The following CFAP77 variants were observed in gnomAD, a reference collection of about 807,000 sequenced individuals.
CFAP77 encodes cilia- and flagella-associated protein 77.
Under a neutral mutation model 31.1 loss-of-function variants are expected in CFAP77, and 25 were observed. The ratio of observed to expected loss-of-function variants is 0.80; its 90% CI spans 0.59 to 1.12. The LOEUF (loss-of-function observed/expected upper bound fraction) is 1.12, where lower values mean the gene tolerates loss of function less well. CFAP77 is among the 50% of genes most tolerant of loss of function. CFAP77 has a pLI of 0.00. For missense variants in CFAP77, 377 were observed against 397.3 expected (o/e 0.95, Z 0.44); for synonymous variants, 151 against 159.9 (o/e 0.94, Z 0.42).
chr9:132,524,612 CAAA>C (rs369112824), intron 3 of CFAP77, among the ~76,000 whole-genome samples: 1 of 141,600 alleles, frequency 7.1e-6, no homozygotes, highest in Non-Finnish European at 1.5e-5. Flanking sequence ...GGCTCTGTCT[CAAA>C]AAAAAAAAAA....
intron 1 of CFAP77, among the ~76,000 whole-genome samples, chr9:132,426,116 T>C (rs1443877955): frequency 1.3e-5 from 2 of 152,234 alleles, no homozygotes; most frequent in African/African-American, 2.4e-5. Flanking sequence ...GTATATTTCT[T>C]TGTCTCCCTT....
chr9:132,427,493 T>C (rs1338220022), intron 1 of CFAP77, among the ~76,000 whole-genome samples: 1 of 152,106 alleles, frequency 6.6e-6, no homozygotes, highest in Non-Finnish European at 1.5e-5. Flanking sequence ...GGGTACGGTG[T>C]AATCCCAGCT....
chr9:132,531,980 T>C (rs1318927087), intron 3 of CFAP77, among the ~76,000 whole-genome samples: 1 of 152,192 alleles, frequency 6.6e-6, no homozygotes, highest in East Asian at 1.9e-4. Flanking sequence ...GTGAACGGTC[T>C]CTTGGGGTAG....
chr9:132,522,359 TG>T (rs1284703583), intron 3 of CFAP77, among the ~76,000 whole-genome samples: 2 of 147,420 alleles, frequency 1.4e-5, no homozygotes, highest in Non-Finnish European at 3.0e-5. Context: ...TGTGTGACCC[TG>T]GGCAAGCCAT....
Position 132,424,987 on chromosome 9 carries a change from A to G in CFAP77, c.195+14521A>G, listed in dbSNP as rs892012344. Among the ~76,000 whole-genome samples the G allele has an allele frequency of 2.0e-5, 3 of 152,208 alleles. No individual in the cohort carries two copies. Among genetic ancestry groups the G allele is most frequent in the Non-Finnish European group, 4.4e-5 (3 of 68,046 alleles). ...TCACCCTCGCAGTTAGTTAGCATTT[A>G]GATAGACTGGGACTGGGGCCCACAC... On this transcript the variant is annotated intron_variant, in intron 1 of 5. Transcript: ENST00000393216. This position sits in a 1 kb window ranked among gnomAD's most constrained non-coding sequence, Gnocchi z 4.1.
chr9:132,559,237 C>T (rs747484209), intron 5 of CFAP77, among the ~76,000 whole-genome samples: 12 of 148,744 alleles, frequency 8.1e-5, no homozygotes, highest in Non-Finnish European at 1.5e-4. Context: ...CCCAGCTACT[C>T]GGGAGGCCGA....
In CFAP77 at chr9:132,501,392, T is replaced by G. The variant is rs1261629039; in HGVS notation, c.524+1792T>G. Among the ~76,000 whole-genome samples, 1 of 151,592 alleles carries G rather than the reference T, an allele frequency of 6.6e-6. No individual in the cohort carries two copies. The highest frequency in any genetic ancestry group is 1.5e-5 in the Non-Finnish European group (1 of 67,926). On this transcript the variant is annotated intron_variant, in intron 3 of 5. Transcript: ENST00000393216. The surrounding 1 kb of genome is among the most constrained non-coding windows in gnomAD (Gnocchi z 4.6). ...ACTCTTTGGGCCAGCTCAGGTTACA[T>G]GACTATCTTCTTTTTTTTTTTTTTT...
At chr9:132,537,306 G>C (rs1164017129) in intron 3 of CFAP77, among the ~76,000 whole-genome samples, 1 of 152,116 alleles carries the variant, frequency 6.6e-6, no homozygotes, top group South Asian at 2.1e-4. Context: ...ACTGGCTTCA[G>C]CAGGCCAAGG....
chr9:132,542,851 C>A, intron 4 of CFAP77, 95 bp from the exon 5 acceptor site: 1 of 1,027,720 alleles, frequency 9.7e-7, no homozygotes, highest in Non-Finnish European at 1.5e-6. Context: ...CTTGCCACGC[C>A]AAGAATCCCA....
rs953204075 is a variant in CFAP77 at position 132,565,746 on chromosome 9, G to A, written c.733-6642G>A. ...GGGTCCATGTGGGCTCTGCCTTCCT[G>A]GCAGGTGTGTTTCCAGGGCACTGCA... On this transcript the variant is annotated intron_variant, in intron 5 of 5. Transcript: ENST00000393216. The surrounding 1 kb of genome is among the most constrained non-coding windows in gnomAD (Gnocchi z 4.1). Among the ~76,000 whole-genome samples, 78 of 151,768 alleles carry A rather than the reference G, an allele frequency of 5.1e-4. No homozygotes were observed. The highest frequency in any genetic ancestry group is 1.9e-3 in the African/African-American group (78 of 41,528).
At chr9:132,444,583 G>C (rs1406356706) in intron 1 of CFAP77, among the ~76,000 whole-genome samples, 1 of 152,178 alleles carries the variant, frequency 6.6e-6, no homozygotes, top group Non-Finnish European at 1.5e-5. Flanking sequence ...AGGCTGACCT[G>C]AGTCCTTCCG....
At chr9:132,468,087 A>G (rs1475526369) in intron 1 of CFAP77, among the ~76,000 whole-genome samples, 1 of 152,064 alleles carries the variant, frequency 6.6e-6, no homozygotes, top group Non-Finnish European at 1.5e-5. Context: ...TCACACCTGT[A>G]ATCTCAGCAC....
chr9:132,434,456 C>G (rs1666812751), intron 1 of CFAP77, among the ~76,000 whole-genome samples: 1 of 152,010 alleles, frequency 6.6e-6, no homozygotes, highest in Non-Finnish European at 1.5e-5. Context: ...TTAATGAGGA[C>G]CTGGGAGACT....
intron 5 of CFAP77, among the ~76,000 whole-genome samples, chr9:132,557,885 T>A (rs1287988335): frequency 1.3e-5 from 2 of 152,158 alleles, no homozygotes; most frequent in African/African-American, 4.8e-5. Flanking sequence ...AACGTGTAGA[T>A]GTCTCCTCCC....
rs577936477 is a variant in CFAP77, at chr9:132,499,558, C to T, written c.482C>T (p.Pro161Leu). The change falls in exon 3 of 6, where the codon CCG becomes CTG. Residue 161 changes from proline to leucine, a missense_variant. Pro to Leu is a moderately conservative substitution (Grantham distance 98). Transcript: ENST00000393216. This position sits in a 1 kb window ranked among gnomAD's most constrained non-coding sequence, Gnocchi z 5.4. The stretch of plus-strand genomic sequence containing the variant: ...GATGACCGGCGCATGAAGAAAGAGC[C>T]GCCCCCTCTCCCTCCAAACATGACA... ...DQDDRRMKKE[P>L]PPLPPNMTFG... 52 of 1,614,192 alleles carry T rather than the reference C, an allele frequency of 3.2e-5. No homozygotes were observed. Among genetic ancestry groups the T allele is most frequent in the African/African-American group, 1.2e-4 (9 of 75,050 alleles).
intron 1 of CFAP77, among the ~76,000 whole-genome samples, chr9:132,425,314 G>A (rs4537428): frequency 0.019 from 2,826 of 152,146 alleles, 56 homozygotes; most frequent in African/African-American, 0.051. Flanking sequence ...AGAAGGGCCC[G>A]ATTCCCTTTG....
intron 1 of CFAP77, among the ~76,000 whole-genome samples, chr9:132,436,413 G>A (rs1850504992): frequency 6.6e-6 from 1 of 152,164 alleles, no homozygotes; most frequent in Non-Finnish European, 1.5e-5. Context: ...AATTGCATTT[G>A]CAATGATCCT....
rs199521952 is a variant in CFAP77 at position 132,499,451 on chromosome 9, C to T, written c.375C>T (p.Arg125=). 6.2e-5 allele frequency: 100 copies of T among 1,614,222 alleles called. 1 individual carries two copies. The highest frequency in any genetic ancestry group is 4.3e-4 in the South Asian group (39 of 91,082). ...ELTRNYIAMN[R]GAVKAGLVTA... ...CCCGGAATTATATCGCAATGAACCG[C>T]GGGGCGGTGAAAGCCGGCCTGGTGA... The change falls in exon 3 of 6, where the codon CGC becomes CGT. Residue 125 remains arginine, a synonymous_variant. Transcript: ENST00000393216. This position sits in a 1 kb window ranked among gnomAD's most constrained non-coding sequence, Gnocchi z 5.4.
chr9:132,572,725 C>A lies in CFAP77; in HGVS notation c.*215C>A. The A allele has an allele frequency of 1.8e-6, 1 of 552,118 alleles. No homozygotes were observed. The highest frequency in any genetic ancestry group is 3.2e-6 in the Non-Finnish European group (1 of 316,322). 34.2% of individuals were successfully genotyped at this position (552,118 alleles called of 1,614,324 possible). On this transcript the variant is annotated 3_prime_UTR_variant, in exon 6 of 6. Transcript: ENST00000393216. ...CCACTTAGCCCCAGTGACCCTCTAC[C>A]TGGAGCCTCCTCCTCTCCTCCTCCT...
Sources: allele counts gnomAD v4.1 joint callset (sites outside exome capture counted in the v4.1 genomes callset), GRCh38; gene constraint gnomAD v4.1.1; non-coding constraint Gnocchi (gnomAD v3.1); transcripts MANE v1.5; gene names NCBI Gene and HGNC (gene_info 2026-07-23, HGNC 2026-07-21).